Variants in C12orf75 observed in about 807,000 individuals in gnomAD.
C12orf75 encodes chromosome 12 open reading frame 75.
C12orf75 carries 4 observed loss-of-function variants against 11.4 expected under a neutral mutation model. That is an observed-to-expected ratio of 0.35 (90% confidence interval 0.17 to 0.80). The LOEUF is 0.80. Among genes scored for constraint, C12orf75 ranks in the 30% least tolerant of loss-of-function variants. C12orf75 has a pLI of 0.52. For synonymous variants in C12orf75, 30 were observed against 30.0 expected (o/e 1.00, Z 0.00); for missense variants, 89 against 80.4 (o/e 1.11, Z -0.41).
intron 1 of C12orf75, among the ~76,000 whole-genome samples, chr12:105,331,901 C>A (rs1046261121): frequency 7.9e-5 from 12 of 152,206 alleles, no homozygotes; most frequent in Admixed American, 2.0e-4. Context: ...AAACAGCAGT[C>A]AGAGGCTGCG....
At chr12:105,370,214 A>G (rs748831791) in intron 5 of C12orf75, among the ~76,000 whole-genome samples, 10 of 152,190 alleles carry the variant, frequency 6.6e-5, no homozygotes, top group Middle Eastern at 3.2e-3. Flanking sequence ...TCAGATGACA[A>G]TGGATGGCCT....
chr12:105,359,330 TC>T (rs1892827366), intron 2 of C12orf75, among the ~76,000 whole-genome samples: 2 of 152,156 alleles, frequency 1.3e-5, no homozygotes, highest in Admixed American at 1.3e-4. Context: ...CAAGGTTTCT[TC>T]CCCATTTATA....
chr12:105,338,839 A>G (rs1010991446), intron 1 of C12orf75, among the ~76,000 whole-genome samples: 3 of 152,128 alleles, frequency 2.0e-5, no homozygotes, highest in Admixed American at 6.5e-5. Context: ...ATCTGCCCCT[A>G]TGGCCCAAAC....
chr12:105,343,674 TA>T (rs1488772719), intron 1 of C12orf75, among the ~76,000 whole-genome samples: 1 of 152,246 alleles, frequency 6.6e-6, no homozygotes, highest in Non-Finnish European at 1.5e-5. Context: ...TTTATGTACC[TA>T]GGTACTCTGA....
At chr12:105,358,251 C>T (rs765121970) in intron 2 of C12orf75, among the ~76,000 whole-genome samples, 1 of 152,094 alleles carries the variant, frequency 6.6e-6, no homozygotes, top group African/African-American at 2.4e-5. Flanking sequence ...CATGGTGGCA[C>T]GTGTTTGTAG....
chr12:105,352,073 TA>T (rs1298246968), intron 2 of C12orf75, among the ~76,000 whole-genome samples: 2 of 152,034 alleles, frequency 1.3e-5, no homozygotes, highest in African/African-American at 4.8e-5. Flanking sequence ...ATGTAATTAA[TA>T]AGATTTGTTT....
intron 2 of C12orf75, among the ~76,000 whole-genome samples, chr12:105,352,450 A>G (rs567682287): frequency 4.7e-4 from 72 of 152,330 alleles, no homozygotes; most frequent in Non-Finnish European, 7.9e-4. Context: ...GGAAATTTGG[A>G]AAGTACAGGA....
chr12:105,337,464 A>G (rs1253437700), intron 1 of C12orf75, among the ~76,000 whole-genome samples: 1 of 151,780 alleles, frequency 6.6e-6, no homozygotes, highest in Non-Finnish European at 1.5e-5. Flanking sequence ...TCTTAAGGGG[A>G]CTCTGGTAGG....
At chr12:105,368,010 T>A (rs1871526523) in intron 5 of C12orf75, among the ~76,000 whole-genome samples, 1 of 152,170 alleles carries the variant, frequency 6.6e-6, no homozygotes, top group Non-Finnish European at 1.5e-5. Context: ...TGAACAGAGA[T>A]GTAGTTATGC....
At chr12:105,365,610 C>T (rs566782753) in intron 2 of C12orf75, among the ~76,000 whole-genome samples, 197 bp from the exon 3 acceptor site, 22 of 152,310 alleles carry the variant, frequency 1.4e-4, no homozygotes, top group Middle Eastern at 3.4e-3. Flanking sequence ...CAAGTTTTAA[C>T]GTATGAATGA....
At chr12:105,364,374 T>C (rs114955756) in intron 2 of C12orf75, among the ~76,000 whole-genome samples, 1,756 of 152,270 alleles carry the variant, frequency 0.012, 40 homozygotes, top group African/African-American at 0.04. Context: ...AACCATCTAG[T>C]GAATTTAGGT....
intron 2 of C12orf75, among the ~76,000 whole-genome samples, chr12:105,355,191 T>TC (rs1892763819): frequency 7.3e-6 from 1 of 136,858 alleles, no homozygotes; most frequent in Non-Finnish European, 1.6e-5. Flanking sequence ...TTTTTTTTTT[T>TC]CAGAGTTTTG....
Position 105,355,067 on chromosome 12 carries a change from C to T in C12orf75, c.71+6441C>T, listed in dbSNP as rs547803568. Among the ~76,000 whole-genome samples, 11 of 151,380 alleles carry T rather than the reference C, an allele frequency of 7.3e-5. No individual in the cohort carries two copies. In the South Asian group the frequency reaches 1.5e-3, roughly 20 times the overall value. ...GAACTATACTCCATGGAGCAGCCAT[C>T]GGAGTATGTTAGCGGAGCAGCACAG... On this transcript the variant is annotated intron_variant, in intron 2 of 5. Coordinates refer to ENST00000443585, the MANE Select transcript of C12orf75 (RefSeq NM_001145199.2).
intron 5 of C12orf75, among the ~76,000 whole-genome samples, chr12:105,369,598 C>T (rs1444337156): frequency 6.6e-6 from 1 of 152,060 alleles, no homozygotes; most frequent in East Asian, 1.9e-4. Context: ...TCCTAATGCT[C>T]TCCCTCCCCT....
At chr12:105,360,900 C>G (rs140406896) in intron 2 of C12orf75, among the ~76,000 whole-genome samples, 1 of 152,016 alleles carries the variant, frequency 6.6e-6, no homozygotes, top group Non-Finnish European at 1.5e-5. Flanking sequence ...CTCAGCCTCC[C>G]GAGTAGCTGA....
intron 3 of C12orf75, 147 bp from the exon 4 acceptor site, chr12:105,366,470 C>T: frequency 4.8e-6 from 2 of 413,476 alleles, no homozygotes; most frequent in Non-Finnish European, 8.5e-6. Flanking sequence ...CAATTATATT[C>T]CCAAGGGCCA....
chr12:105,358,757 C>G (rs1351438259), intron 2 of C12orf75, among the ~76,000 whole-genome samples: 2 of 152,186 alleles, frequency 1.3e-5, no homozygotes, highest in Non-Finnish European at 2.9e-5. Flanking sequence ...GCTTATTACA[C>G]AAGTTTATTC....
At chr12:105,356,435 C>T (rs1323393177) in intron 2 of C12orf75, among the ~76,000 whole-genome samples, 3 of 124,110 alleles carry the variant, frequency 2.4e-5, no homozygotes, top group African/African-American at 9.0e-5. Flanking sequence ...GAAAAGACTA[C>T]AGGCTTTTTT....
At chr12:105,354,875 C>G (rs964693244) in intron 2 of C12orf75, among the ~76,000 whole-genome samples, 4 of 151,998 alleles carry the variant, frequency 2.6e-5, no homozygotes, top group Non-Finnish European at 5.9e-5. Context: ...AAGGGAAACA[C>G]GAGGGGCTGA....
Sources: gnomAD v4.1 joint callset for allele counts (sites outside exome capture counted in the v4.1 genomes callset) on GRCh38, gnomAD v4.1.1 for gene constraint, MANE v1.5 for transcripts, NCBI Gene and HGNC (gene_info 2026-07-23, HGNC 2026-07-21) for gene names.